PCMTD1: variants seen among roughly 807,000 people sequenced by gnomAD.
PCMTD1 encodes the protein protein-L-isoaspartate O-methyltransferase domain-containing protein 1.
In PCMTD1, 12 loss-of-function variants were observed where a neutral mutation model predicts 37.6. The observed-to-expected ratio is 0.32, with a 90% confidence interval of 0.20 to 0.52. PCMTD1 has a LOEUF of 0.52. Ranked by LOEUF, PCMTD1 falls within the 20% of genes least tolerant of loss-of-function variation. The pLI is 0.97. For missense variants in PCMTD1, 235 were observed against 421.3 expected (o/e 0.56, Z 3.87); for synonymous variants, 117 against 135.8 (o/e 0.86, Z 0.96).
chr8:51,831,582 AAAAG>A lies in PCMTD1; in HGVS notation c.583-19_583-16del, dbSNP rs755171299. The A allele has an allele frequency of 1.1e-4, 182 of 1,601,870 alleles. No homozygotes were observed. Among genetic ancestry groups the A allele is most frequent in the South Asian group, 6.5e-4 (57 of 88,232 alleles). Reference sequence around the variant, plus strand: ...ATCTGTGTTAACTATTTAGAGAAAAAAAAGAAAGAAAGTGAACAACTTAATCCCA... The same window carrying A: ...ATCTGTGTTAACTATTTAGAGAAAAAAAAGAAAGTGAACAACTTAATCCCA... On this transcript the variant is annotated splice_polypyrimidine_tract_variant and intron_variant, in intron 4 of 5. Transcript: ENST00000522514.
intron 1 of PCMTD1, among the ~76,000 whole-genome samples, chr8:51,873,606 T>C (rs950663313): frequency 3.9e-5 from 6 of 152,266 alleles, no homozygotes; most frequent in African/African-American, 1.2e-4. Flanking sequence ...CAGGCAGTGA[T>C]TGGATCGTGG....
chr8:51,883,893 A>G (rs2038827721), intron 1 of PCMTD1, among the ~76,000 whole-genome samples: 3 of 152,242 alleles, frequency 2.0e-5, no homozygotes, highest in Admixed American at 2.0e-4. Flanking sequence ...CCGTGCAAAT[A>G]AACCCAAACA....
intron 1 of PCMTD1, among the ~76,000 whole-genome samples, chr8:51,886,486 T>C (rs777958753): frequency 6.6e-6 from 1 of 152,210 alleles, no homozygotes; most frequent in African/African-American, 2.4e-5. Flanking sequence ...ATGGGATTCC[T>C]ATATGCCATT....
chr8:51,833,954 T>C (rs909008231), intron 3 of PCMTD1, among the ~76,000 whole-genome samples: 1 of 152,072 alleles, frequency 6.6e-6, no homozygotes, highest in Non-Finnish European at 1.5e-5. Flanking sequence ...TCTTCAGAAG[T>C]AAATATAATG....
At chr8:51,857,348 G>T (rs1028277113) in intron 2 of PCMTD1, among the ~76,000 whole-genome samples, 2 of 152,192 alleles carry the variant, frequency 1.3e-5, no homozygotes, top group Non-Finnish European at 2.9e-5. Context: ...TAGGTGGGAT[G>T]AATCTGTGTA....
intron 1 of PCMTD1, among the ~76,000 whole-genome samples, chr8:51,892,113 T>C (rs992781584): frequency 1.2e-4 from 18 of 152,232 alleles, no homozygotes; most frequent in Non-Finnish European, 2.9e-5. Flanking sequence ...ATTTAAATCT[T>C]ATTTCTGAAT....
intron 1 of PCMTD1, among the ~76,000 whole-genome samples, chr8:51,884,022 A>AAC (rs1374061896): frequency 6.6e-6 from 1 of 152,212 alleles, no homozygotes. Context: ...GGGCATACTG[A>AAC]AAGAATTTGT....
intron 2 of PCMTD1, among the ~76,000 whole-genome samples, chr8:51,857,932 C>T (rs74681723): frequency 6.6e-6 from 1 of 152,042 alleles, no homozygotes; most frequent in Non-Finnish European, 1.5e-5. Context: ...GTCGAAGCTG[C>T]AGTGAGCCAA....
chr8:51,852,494 GA>G (rs2038322639), intron 2 of PCMTD1, among the ~76,000 whole-genome samples: 1 of 152,156 alleles, frequency 6.6e-6, no homozygotes, highest in African/African-American at 2.4e-5. Flanking sequence ...CTGCTTGATA[GA>G]AATCTGTCAA....
chr8:51,859,076 G>C (rs764121289), intron 2 of PCMTD1, among the ~76,000 whole-genome samples: 25 of 152,112 alleles, frequency 1.6e-4, no homozygotes, highest in Non-Finnish European at 3.2e-4. Flanking sequence ...CCCAAGTTTG[G>C]CTAGATTGAC....
rs760018437 is a variant in PCMTD1, at chr8:51,873,499, T to C, written c.-95-12253A>G. Among the ~76,000 whole-genome samples the C allele has an allele frequency of 4.5e-4, 69 of 152,312 alleles. 1 individual carries two copies. Among genetic ancestry groups the C allele is most frequent in the African/African-American group, 1.0e-3 (43 of 41,570 alleles). On this transcript the variant is annotated intron_variant, in intron 1 of 5. Coordinates refer to ENST00000522514, the MANE Select transcript of PCMTD1 (RefSeq NM_052937.4). ...AAAATATACTGTCATCATCAAATCATAGTAATGGTATAGGCTCTAAAGTGC... is the reference window on the plus strand; with the variant it reads ...AAAATATACTGTCATCATCAAATCACAGTAATGGTATAGGCTCTAAAGTGC...
chr8:51,834,916 C>CCACCAG, intron 3 of PCMTD1, among the ~76,000 whole-genome samples: 1 of 152,232 alleles, frequency 6.6e-6, no homozygotes, highest in South Asian at 2.1e-4. Flanking sequence ...CATGCCCCCA[C>CCACCAG]GCTAAGGCAG....
chr8:51,850,774 CT>C (rs2129282934), intron 2 of PCMTD1, among the ~76,000 whole-genome samples: 1 of 152,132 alleles, frequency 6.6e-6, no homozygotes, highest in Non-Finnish European at 1.5e-5. Context: ...ATAAAAGGAT[CT>C]TTCAATAAAT....
At chr8:51,824,241 G>T (rs544006825) in intron 5 of PCMTD1, among the ~76,000 whole-genome samples, 168 of 152,306 alleles carry the variant, frequency 1.1e-3, no homozygotes, top group Non-Finnish European at 1.7e-3. Flanking sequence ...CAAATAGGAA[G>T]AGAGGAAGTC....
chr8:51,875,814 C>G (rs573370264), intron 1 of PCMTD1, among the ~76,000 whole-genome samples: 8 of 152,208 alleles, frequency 5.3e-5, no homozygotes, highest in African/African-American at 1.9e-4. Context: ...TACCTGCAGT[C>G]CCAGCTACTT....
intron 5 of PCMTD1, among the ~76,000 whole-genome samples, chr8:51,822,224 G>A (rs1317583218): frequency 6.6e-6 from 1 of 152,126 alleles, no homozygotes; most frequent in Non-Finnish European, 1.5e-5. Context: ...GAGATCAGCT[G>A]GAATATTTTG....
At chr8:51,887,427 C>A (rs183079840) in intron 1 of PCMTD1, among the ~76,000 whole-genome samples, 1 of 152,126 alleles carries the variant, frequency 6.6e-6, no homozygotes, top group Non-Finnish European at 1.5e-5. Flanking sequence ...AAAGGATCAG[C>A]AGAAGAAATA....
intron 5 of PCMTD1, among the ~76,000 whole-genome samples, chr8:51,826,723 T>C (rs2037926692): frequency 6.6e-6 from 1 of 152,150 alleles, no homozygotes; most frequent in South Asian, 2.1e-4. Flanking sequence ...TGGGGGTCTT[T>C]TATGACCTTC....
At chr8:51,839,618 T>C (rs1002093184) in intron 3 of PCMTD1, 9 of 985,248 alleles carry the variant, frequency 9.1e-6, no homozygotes, top group African/African-American at 8.7e-5. Context: ...CTTAGACGGA[T>C]AGTCTAGGTC....
Sources: allele counts gnomAD v4.1 joint callset (sites outside exome capture counted in the v4.1 genomes callset), GRCh38; gene constraint gnomAD v4.1.1; transcripts MANE v1.5; gene names NCBI Gene and HGNC (gene_info 2026-07-23, HGNC 2026-07-21).